The following RNF185 variants were observed in gnomAD, a reference collection of about 807,000 sequenced individuals.
The protein encoded by RNF185 is ring finger protein 185.
A neutral mutation model predicts 24.9 loss-of-function variants in RNF185; 13 were observed. That is an observed-to-expected ratio of 0.52 (90% CI 0.34 to 0.83). The LOEUF is 0.83. Ranked by LOEUF, RNF185 falls within the 40% of genes least tolerant of loss-of-function variation. The pLI, the probability that RNF185 is intolerant of heterozygous loss-of-function variation, is 0.01. For synonymous variants in RNF185, 79 were observed against 90.3 expected, an observed-to-expected ratio of 0.88 and a Z score of 0.71; for missense variants, 184 against 244.7, an observed-to-expected ratio of 0.75 and a Z score of 1.65.
rs939125733 is a variant in RNF185 at position 31,174,528 on chromosome 22, C to T, written c.-48-12519C>T. Among the ~76,000 whole-genome samples the T allele has an allele frequency of 7.9e-5, 12 of 152,138 alleles. No individual in the cohort carries two copies. The South Asian group carries it at 1.7e-3, about 21-fold the overall frequency. ...CCAAGGAGCTAGAACTACAGGCACACGCCACCATACCTGGCTAATTTTAAA... is the reference window on the plus strand; with the variant it reads ...CCAAGGAGCTAGAACTACAGGCACATGCCACCATACCTGGCTAATTTTAAA... On this transcript the variant is annotated intron_variant, in intron 1 of 6. Coordinates refer to ENST00000326132, the MANE Select transcript of RNF185 (RefSeq NM_152267.4).
At chr22:31,163,333 A>AT (rs34873433) in intron 1 of RNF185, among the ~76,000 whole-genome samples, 7,133 of 144,672 alleles carry the variant, frequency 0.049, 578 homozygotes, top group East Asian at 0.38. Context: ...CATCGTGTAC[A>AT]TTTTTTTTTT....
At chr22:31,173,212 A>G (rs2047946776) in intron 1 of RNF185, among the ~76,000 whole-genome samples, 2 of 148,260 alleles carry the variant, frequency 1.3e-5, no homozygotes, top group Middle Eastern at 3.5e-3. Flanking sequence ...AGATCCCTCA[A>G]TTTTTTTTTC....
rs771367887 is a variant in RNF185, at chr22:31,192,718, TTTTA to T, written c.195+17_195+20del. ...TTTACATCAGGTAAGATGCATTTCATTTTACTTTGTCTTTCATCAGCTCTGGTTG... is the reference window on the plus strand; with the variant it reads ...TTTACATCAGGTAAGATGCATTTCATCTTTGTCTTTCATCAGCTCTGGTTG... On this transcript the variant is annotated intron_variant, in intron 3 of 6. Coordinates refer to ENST00000326132, the MANE Select transcript of RNF185 (RefSeq NM_152267.4). 5 of 1,612,798 alleles carry T rather than the reference TTTTA, an allele frequency of 3.1e-6. No homozygotes were observed. In the South Asian group the frequency reaches 5.5e-5, roughly 18 times the overall value.
chr22:31,182,274 G>A (rs1449383541), intron 1 of RNF185, among the ~76,000 whole-genome samples: 3 of 151,708 alleles, frequency 2.0e-5, no homozygotes, highest in African/African-American at 7.3e-5. Flanking sequence ...ACCACACCCA[G>A]CTAATTTTTT....
chr22:31,177,391 C>T (rs1014159631), intron 1 of RNF185, among the ~76,000 whole-genome samples: 1 of 152,054 alleles, frequency 6.6e-6, no homozygotes, highest in Non-Finnish European at 1.5e-5. Context: ...GAAGCCAGTC[C>T]TTTCAGCCTT....
chr22:31,190,562 C>T (rs551705799), intron 2 of RNF185, among the ~76,000 whole-genome samples: 3 of 151,640 alleles, frequency 2.0e-5, no homozygotes, highest in Non-Finnish European at 4.4e-5. Context: ...GCTGGGATTA[C>T]AGGCGTGAGC....
intron 2 of RNF185, among the ~76,000 whole-genome samples, 185 bp downstream of exon 2, chr22:31,187,455 G>A (rs1482671949): frequency 1.3e-5 from 2 of 152,180 alleles, no homozygotes; most frequent in African/African-American, 4.8e-5. Context: ...GGCAAATCCT[G>A]TCTCCACTCT....
rs188986863 is a variant in RNF185, at chr22:31,176,700, G to T, written c.-48-10347G>T. Among the ~76,000 whole-genome samples, 1,406 of 151,602 alleles carry T rather than the reference G, an allele frequency of 9.3e-3. 8 individuals are homozygous for T. Among genetic ancestry groups the T allele is most frequent in the Middle Eastern group, 0.024 (7 of 288 alleles). On this transcript the variant is annotated intron_variant, in intron 1 of 6. Transcript: ENST00000326132. ...AGACGGGGTTTCACCGTGTTAGCCA[G>T]GATGGTCTCGATCTCCTGACCTCGT...
chr22:31,197,632 T>C (rs1381794191), intron 5 of RNF185, among the ~76,000 whole-genome samples: 1 of 152,232 alleles, frequency 6.6e-6, no homozygotes. Context: ...CACAGTTCAC[T>C]GTAGCCTCGA....
At chr22:31,166,239 C>T (rs961604784) in intron 1 of RNF185, among the ~76,000 whole-genome samples, 1 of 152,034 alleles carries the variant, frequency 6.6e-6, no homozygotes, top group Non-Finnish European at 1.5e-5. Flanking sequence ...GATCCGCCCA[C>T]CTCAGCCTCC....
rs556322268 is a variant in RNF185 at position 31,190,269 on chromosome 22, G to A, written c.177-2415G>A. ...CAGTGCGTTACCTTTTCTGTGTTAG[G>A]TATGTTGGATTTTTTGTTTGTTTGT... On this transcript the variant is annotated intron_variant, in intron 2 of 6. Coordinates refer to ENST00000326132, the MANE Select transcript of RNF185 (RefSeq NM_152267.4). Among the ~76,000 whole-genome samples, 522 of 152,148 alleles carry A rather than the reference G, an allele frequency of 3.4e-3. 3 individuals carry two copies. Among genetic ancestry groups the A allele is most frequent in the African/African-American group, 0.012 (499 of 41,514 alleles).
chr22:31,191,005 A>C (rs943466074), intron 2 of RNF185, among the ~76,000 whole-genome samples: 1 of 152,246 alleles, frequency 6.6e-6, no homozygotes, highest in Non-Finnish European at 1.5e-5. Context: ...GCAATAGGCT[A>C]TACTATGTAG....
intron 1 of RNF185, among the ~76,000 whole-genome samples, chr22:31,182,566 C>T (rs1220027125): frequency 1.3e-5 from 2 of 152,172 alleles, no homozygotes; most frequent in African/African-American, 2.4e-5. Flanking sequence ...TCCCAAAGTG[C>T]TGGAATTATA....
intron 1 of RNF185, among the ~76,000 whole-genome samples, chr22:31,175,059 G>A (rs1022173502): frequency 3.5e-5 from 5 of 141,336 alleles, no homozygotes; most frequent in Admixed American, 7.3e-5. Context: ...GCGACAGAGC[G>A]AGCCTCCGTC....
At chr22:31,169,243 T>G (rs989465135) in intron 1 of RNF185, among the ~76,000 whole-genome samples, 3 of 152,196 alleles carry the variant, frequency 2.0e-5, no homozygotes, top group Non-Finnish European at 4.4e-5. Context: ...GTTGTTAAGT[T>G]TTAGGAGTTA....
intron 1 of RNF185, among the ~76,000 whole-genome samples, chr22:31,181,909 C>T (rs1043301812): frequency 2.0e-5 from 3 of 151,648 alleles, no homozygotes; most frequent in Admixed American, 2.0e-4. Context: ...ATGTAAATGA[C>T]GAGTTAATGG....
At chr22:31,173,437 A>ACACACACT (rs1223540298) in intron 1 of RNF185, among the ~76,000 whole-genome samples, 1 of 151,728 alleles carries the variant, frequency 6.6e-6, no homozygotes, top group African/African-American at 2.4e-5. Flanking sequence ...ACACACACAC[A>ACACACACT]CACACGTATG....
At chr22:31,191,247 G>A (rs1004904675) in intron 2 of RNF185, among the ~76,000 whole-genome samples, 2 of 152,140 alleles carry the variant, frequency 1.3e-5, no homozygotes, top group Non-Finnish European at 2.9e-5. Flanking sequence ...AAGGGAACTT[G>A]CCAGTGGAGA....
At chr22:31,172,020 T>C (rs1362522356) in intron 1 of RNF185, among the ~76,000 whole-genome samples, 2 of 152,182 alleles carry the variant, frequency 1.3e-5, no homozygotes, top group Non-Finnish European at 2.9e-5. Flanking sequence ...ATATACCGGG[T>C]ATTAAAATTT....
Sources: gnomAD v4.1 joint callset for allele counts (sites outside exome capture counted in the v4.1 genomes callset) on GRCh38, gnomAD v4.1.1 for gene constraint, MANE v1.5 for transcripts, NCBI Gene and HGNC (gene_info 2026-07-23, HGNC 2026-07-21) for gene names.